ULK4: variants seen among roughly 807,000 people sequenced by gnomAD.
ULK4 encodes the protein unc-51 like kinase 4.
In ULK4, 133 loss-of-function variants were observed where a neutral mutation model predicts 160.6. The ratio of observed to expected loss-of-function variants is 0.83; its 90% CI spans 0.72 to 0.96. The LOEUF is 0.96. Ranked by LOEUF, ULK4 falls within the 40% of genes least tolerant of loss-of-function variation. The probability of loss-of-function intolerance (pLI) is 0.00; values close to 1 mark genes in which losing one functional copy is unlikely to be tolerated. For missense variants in ULK4, 1,580 were observed against 1,499.5 expected (o/e 1.05, Z -0.89); for synonymous variants, 534 against 539.8 (o/e 0.99, Z 0.15).
chr3:41,289,121 C>G (rs372504934), intron 35 of ULK4, among the ~76,000 whole-genome samples: 3 of 152,192 alleles, frequency 2.0e-5, no homozygotes, highest in Non-Finnish European at 2.9e-5. Context: ...GCCTCCCATA[C>G]ATTTTAAAAT....
chr3:41,701,495 A>G (rs894991801), intron 27 of ULK4, among the ~76,000 whole-genome samples: 1 of 152,242 alleles, frequency 6.6e-6, no homozygotes, highest in East Asian at 1.9e-4. Flanking sequence ...TTTAATACTC[A>G]GCAAAATATC....
rs543214779 is a variant in ULK4 at position 41,923,200 on chromosome 3, T to A, written c.542-3382A>T. ...ATAAATAAATAAATAATAAAAAAAA[T>A]AAGAATCCCTGAACCAGGCTGGGCA... is the stretch of plus-strand genomic sequence containing the variant. On this transcript the variant is annotated intron_variant, in intron 5 of 36. Transcript: ENST00000301831. Among the ~76,000 whole-genome samples, 20 of 148,534 alleles carry A rather than the reference T, an allele frequency of 1.3e-4. No homozygotes were observed. The East Asian group carries it at 3.5e-3, about 26-fold the overall frequency.
chr3:41,294,264 C>T (rs2079627585), intron 35 of ULK4, among the ~76,000 whole-genome samples: 1 of 152,198 alleles, frequency 6.6e-6, no homozygotes, highest in African/African-American at 2.4e-5. Context: ...AAACATTCCT[C>T]CCCTCTGGAG....
chr3:41,443,180 A>G (rs748893041), intron 34 of ULK4, among the ~76,000 whole-genome samples: 2 of 152,212 alleles, frequency 1.3e-5, no homozygotes, highest in Non-Finnish European at 2.9e-5. Flanking sequence ...TTCTCTGGCT[A>G]CATACCCAGA....
chr3:41,327,383 T>C (rs923356688), intron 35 of ULK4, among the ~76,000 whole-genome samples: 3 of 152,028 alleles, frequency 2.0e-5, no homozygotes, highest in African/African-American at 7.2e-5. Flanking sequence ...TTATGATTAG[T>C]CTCTCTCATT....
chr3:41,591,849 A>G (rs2031334174), intron 31 of ULK4, among the ~76,000 whole-genome samples: 1 of 152,204 alleles, frequency 6.6e-6, no homozygotes, highest in South Asian at 2.1e-4. Context: ...TACCAGCTGA[A>G]CTGTACAAAG....
chr3:41,890,756 GGAC>G (rs1697908094), intron 16 of ULK4, among the ~76,000 whole-genome samples: 4 of 29,926 alleles, frequency 1.3e-4, no homozygotes, highest in Non-Finnish European at 2.9e-4. Flanking sequence ...GGGACGGGAG[GGAC>G]GGGAGGGACG....
At chr3:41,655,444 G>C (rs2034902159) in intron 30 of ULK4, among the ~76,000 whole-genome samples, 1 of 151,594 alleles carries the variant, frequency 6.6e-6, no homozygotes, top group African/African-American at 2.4e-5. Flanking sequence ...GAGTTAATGG[G>C]TGCAGCACAC....
rs2125653765 is a variant in ULK4 at position 41,835,981 on chromosome 3, C to CCAA, written c.1657-11_1657-10insTTG. ...TTAAGAGAACAATTGCCTGCAAAGA[C>CCAA]AAAAAAAAAAAAAGTAAATTATTTC... On this transcript the variant is annotated splice_polypyrimidine_tract_variant and intron_variant, in intron 17 of 36. Coordinates refer to ENST00000301831, the MANE Select transcript of ULK4 (RefSeq NM_017886.4). 1.7e-6 allele frequency: 2 copies of CCAA among 1,180,090 alleles called. No individual in the cohort carries two copies. Among genetic ancestry groups the CCAA allele is most frequent in the African/African-American group, 1.7e-5 (1 of 59,000 alleles). The allele number at this position is 1,180,090 out of a possible 1,614,324, so 73.1% of individuals were successfully genotyped here. A position where few individuals can be genotyped will look rare whatever the true frequency, so the allele number is the denominator to read the frequency against.
At chr3:41,510,937 T>TGGATCACAAGGTCA (rs551537509) in intron 32 of ULK4, among the ~76,000 whole-genome samples, 149 of 151,036 alleles carry the variant, frequency 9.9e-4, no homozygotes, top group African/African-American at 3.5e-3. Flanking sequence ...CTGAGGCGGG[T>TGGATCACAAGGTCA]GGATCACAAG....
chr3:41,889,192 A>G (rs1438991569), intron 16 of ULK4, among the ~76,000 whole-genome samples: 1 of 152,184 alleles, frequency 6.6e-6, no homozygotes, highest in East Asian at 1.9e-4. Context: ...CTTATATTAT[A>G]TAATCCTAAT....
chr3:41,949,337 A>ACACACAC (rs1485286785), intron 2 of ULK4, among the ~76,000 whole-genome samples: 1 of 150,436 alleles, frequency 6.6e-6, no homozygotes, highest in South Asian at 2.1e-4. Context: ...CACACACACA[A>ACACACAC]AAAGTAAAGT....
intron 21 of ULK4, among the ~76,000 whole-genome samples, chr3:41,783,693 A>G (rs1273620940): frequency 6.6e-6 from 1 of 152,202 alleles, no homozygotes; most frequent in African/African-American, 2.4e-5. Flanking sequence ...TATACTACTC[A>G]TATGAATCCT....
At chr3:41,339,047 G>A (rs1344691129) in intron 35 of ULK4, among the ~76,000 whole-genome samples, 5 of 151,696 alleles carry the variant, frequency 3.3e-5, no homozygotes, top group East Asian at 3.9e-4. Flanking sequence ...TTATACATAC[G>A]CCCAGAAATC....
In ULK4 at chr3:41,843,755, G is replaced by T. The variant is rs984518356; in HGVS notation, c.1657-7784C>A. Among the ~76,000 whole-genome samples the T allele has an allele frequency of 4.5e-4, 69 of 152,252 alleles. 1 individual carries two copies. Among genetic ancestry groups the T allele is most frequent in the African/African-American group, 1.5e-3 (64 of 41,550 alleles). Reference sequence around the variant, plus strand: ...ACAGTGTGGAAGGGGACCCGAGTGGGTTGCCACTGCTGGCTCGGGCAGCCT... The same window carrying T: ...ACAGTGTGGAAGGGGACCCGAGTGGTTTGCCACTGCTGGCTCGGGCAGCCT... On this transcript the variant is annotated intron_variant, in intron 17 of 36. Coordinates refer to ENST00000301831, the MANE Select transcript of ULK4 (RefSeq NM_017886.4).
chr3:41,476,181 C>T (rs895127663), intron 32 of ULK4, among the ~76,000 whole-genome samples: 1 of 152,064 alleles, frequency 6.6e-6, no homozygotes, highest in African/African-American at 2.4e-5. Context: ...AGGGAGCAAC[C>T]GCTGTTAGTC....
chr3:41,954,857 TTAATTAGCCTAGGA>T (rs1446068800), intron 1 of ULK4, 50 bp from the exon 2 acceptor site: 50 of 1,211,724 alleles, frequency 4.1e-5, no homozygotes, highest in Middle Eastern at 4.0e-4. Flanking sequence ...AGTTGCATAA[TTAATTAGCCTAGGA>T]TAATTAGCCT....
rs1339143112 is a variant in ULK4 at position 41,420,471 on chromosome 3, C to CTT, written c.3493-22209_3493-22208dup. Among the ~76,000 whole-genome samples, 136 of 63,196 alleles carry CTT rather than the reference C, an allele frequency of 2.2e-3. 5 individuals are homozygous for CTT. The highest frequency in any genetic ancestry group is 7.8e-3 in the East Asian group (20 of 2,556). The allele number at this position is 63,196 out of a possible 152,430, so 41.5% of individuals were successfully genotyped here. On this transcript the variant is annotated intron_variant, in intron 34 of 36. Coordinates refer to ENST00000301831, the MANE Select transcript of ULK4 (RefSeq NM_017886.4). ...TAAGGGATTTTTCAGTTTTCCAGTT[C>CTT]TTTCTTTTTTTTTTTTTTTTTTTTT...
intron 35 of ULK4, among the ~76,000 whole-genome samples, chr3:41,254,796 T>C (rs2078802914): frequency 6.6e-6 from 1 of 151,614 alleles, no homozygotes; most frequent in South Asian, 2.1e-4. Flanking sequence ...GGCAGGAGAA[T>C]TGCTTGAACC....
Sources: allele counts gnomAD v4.1 joint callset (sites outside exome capture counted in the v4.1 genomes callset), GRCh38; gene constraint gnomAD v4.1.1; transcripts MANE v1.5; gene names NCBI Gene and HGNC (gene_info 2026-07-23, HGNC 2026-07-21).